The following FER1L6 variants were observed in gnomAD, a reference collection of about 807,000 sequenced individuals.
The protein encoded by FER1L6 is fer-1-like protein 6.
FER1L6 carries 177 observed loss-of-function variants against 219.2 expected under a neutral mutation model. The observed-to-expected ratio is 0.81, with a 90% CI of 0.71 to 0.91. The LOEUF is 0.91. Among genes scored for constraint, FER1L6 ranks in the 40% least tolerant of loss-of-function variants. FER1L6 has a pLI of 0.00. For missense variants in FER1L6, 2,153 were observed against 2,259.9 expected, an observed-to-expected ratio of 0.95 and a Z score of 0.96; for synonymous variants, 768 against 824.3, an observed-to-expected ratio of 0.93 and a Z score of 1.17.
intron 22 of FER1L6, among the ~76,000 whole-genome samples, chr8:124,052,254 T>C (rs1386753424): frequency 6.6e-6 from 1 of 152,146 alleles, no homozygotes; most frequent in Non-Finnish European, 1.5e-5. Flanking sequence ...GTTGGATTGA[T>C]ATGAAGGGAG....
chr8:124,089,529 C>T (rs1024024923), intron 33 of FER1L6, among the ~76,000 whole-genome samples: 1 of 152,082 alleles, frequency 6.6e-6, no homozygotes, highest in African/African-American at 2.4e-5. Context: ...CCTCTGTCTC[C>T]CTCCCCCAAA....
rs111370535 is a variant in FER1L6 at position 124,063,440 on chromosome 8, T to G, written c.3329-907T>G. 5.8e-3 allele frequency among the ~76,000 whole-genome samples: 877 copies of G among 152,352 alleles called. 17 individuals carry two copies. Among genetic ancestry groups the G allele is most frequent in the African/African-American group, 0.02 (831 of 41,574 alleles). ...AGTTTTAGCTTTCTCATTTAGATCTTTAATCATCTGCATTTATATATGATT... is the reference window on the plus strand; with the variant it reads ...AGTTTTAGCTTTCTCATTTAGATCTGTAATCATCTGCATTTATATATGATT... On this transcript the variant is annotated intron_variant, in intron 25 of 40. Coordinates refer to ENST00000522917, the MANE Select transcript of FER1L6 (RefSeq NM_001039112.2).
chr8:123,873,965 T>C (rs757228964), intron 1 of FER1L6, among the ~76,000 whole-genome samples: 14 of 152,218 alleles, frequency 9.2e-5, no homozygotes, highest in Non-Finnish European at 1.9e-4. Context: ...GCCACTCATA[T>C]TGTCACTTTC....
intron 39 of FER1L6, among the ~76,000 whole-genome samples, chr8:124,105,381 T>C (rs1822724539): frequency 6.6e-6 from 1 of 152,212 alleles, no homozygotes; most frequent in South Asian, 2.1e-4. Flanking sequence ...GTGAAAAGCT[T>C]GGACTTCATT....
chr8:124,060,204 C>G lies in FER1L6; in HGVS notation c.2899C>G (p.Leu967Val). 6.2e-7 allele frequency: 1 copy of G among 1,614,108 alleles called. No homozygotes were observed. The highest frequency in any genetic ancestry group is 1.1e-5 in the South Asian group (1 of 91,082). ...GGTTCCTCCTTCTGGGCTGCAAGGC[C>G]TCCCACCCGTTGAGCCACCAGACAT... is the stretch of plus-strand genomic sequence containing the variant. ...LQVPPSGLQGLPPVEPPDITQ... is the reference protein window; with the variant it reads ...LQVPPSGLQGVPPVEPPDITQ... Residue 967 changes from leucine (L) to valine (V), a missense_variant, in exon 23 of 41, where the codon CTC becomes GTC. Transcript: ENST00000522917.
intron 1 of FER1L6, among the ~76,000 whole-genome samples, chr8:123,902,363 T>C (rs1317305895): frequency 1.3e-5 from 2 of 152,232 alleles, no homozygotes; most frequent in Non-Finnish European, 2.9e-5. Context: ...GTTTCTTTGT[T>C]GACTTTTTGT....
chr8:124,098,005 T>C, intron 37 of FER1L6, 122 bp downstream of exon 37: 1 of 543,398 alleles, frequency 1.8e-6, no homozygotes, highest in Non-Finnish European at 3.3e-6. Context: ...GCCATCTTAC[T>C]TTTAAGGCCA....
At chr8:124,009,636 C>T (rs1275112427) in intron 13 of FER1L6, among the ~76,000 whole-genome samples, 2 of 151,664 alleles carry the variant, frequency 1.3e-5, no homozygotes, top group African/African-American at 4.8e-5. Flanking sequence ...TCTGAGGGTG[C>T]TGGAGCTGGA....
intron 1 of FER1L6, among the ~76,000 whole-genome samples, chr8:123,866,087 A>G (rs1257054889): frequency 1.3e-5 from 2 of 152,004 alleles, no homozygotes; most frequent in African/African-American, 2.4e-5. Context: ...TAATGCCGCA[A>G]TAAACATACG....
intron 1 of FER1L6, among the ~76,000 whole-genome samples, chr8:123,919,298 G>A (rs570121430): frequency 6.6e-6 from 1 of 152,222 alleles, no homozygotes; most frequent in Non-Finnish European, 1.5e-5. Flanking sequence ...CCTTAGGTTT[G>A]CTTATTTCCT....
chr8:124,101,911 C>T (rs567613401), intron 38 of FER1L6, among the ~76,000 whole-genome samples: 32 of 152,060 alleles, frequency 2.1e-4, no homozygotes, highest in African/African-American at 5.3e-4. Flanking sequence ...TGTATGTTAG[C>T]GACAACTGGA....
intron 1 of FER1L6, among the ~76,000 whole-genome samples, chr8:123,894,334 T>C (rs529361093): frequency 5.9e-5 from 9 of 152,306 alleles, no homozygotes; most frequent in African/African-American, 2.2e-4. Flanking sequence ...GTCAGGAAGA[T>C]GGATTTGTGA....
intron 1 of FER1L6, among the ~76,000 whole-genome samples, chr8:123,953,498 G>A (rs923215906): frequency 6.6e-6 from 1 of 152,166 alleles, no homozygotes; most frequent in Non-Finnish European, 1.5e-5. Flanking sequence ...CAGAAGGGCA[G>A]GGGTGCCTGT....
intron 5 of FER1L6, among the ~76,000 whole-genome samples, chr8:123,968,780 T>C (rs1169908361): frequency 1.3e-5 from 2 of 152,206 alleles, no homozygotes; most frequent in African/African-American, 2.4e-5. Context: ...TTATAATGTA[T>C]GATGACATTT....
At chr8:124,080,829 T>C (rs182326099) in intron 32 of FER1L6, among the ~76,000 whole-genome samples, 27 of 152,080 alleles carry the variant, frequency 1.8e-4, no homozygotes, top group Admixed American at 1.6e-3. Flanking sequence ...ACCTGCAGAG[T>C]ATCAATTACA....
intron 6 of FER1L6, among the ~76,000 whole-genome samples, chr8:123,973,086 T>G (rs1041501736): frequency 6.6e-6 from 1 of 152,052 alleles, no homozygotes; most frequent in Non-Finnish European, 1.5e-5. Flanking sequence ...CACTTTCAGT[T>G]TGGGGGGACT....
intron 1 of FER1L6, among the ~76,000 whole-genome samples, chr8:123,909,281 G>A (rs35444607): frequency 0.26 from 39,600 of 151,764 alleles, 5,438 homozygotes; most frequent in East Asian, 0.43. Context: ...GGGGGTTTGT[G>A]TGATAAGACA....
At chr8:123,900,249 T>C (rs989557715) in intron 1 of FER1L6, among the ~76,000 whole-genome samples, 1 of 152,008 alleles carries the variant, frequency 6.6e-6, no homozygotes, top group Non-Finnish European at 1.5e-5. Flanking sequence ...ATATATATAT[T>C]TGCAGCTATT....
chr8:123,951,972 T>G (rs1293820556), intron 1 of FER1L6, among the ~76,000 whole-genome samples: 1 of 152,210 alleles, frequency 6.6e-6, no homozygotes, highest in African/African-American at 2.4e-5. Flanking sequence ...GTGGAGAAGG[T>G]GATTCCAGAA....
Sources: gnomAD v4.1 joint callset for allele counts (sites outside exome capture counted in the v4.1 genomes callset) on GRCh38, gnomAD v4.1.1 for gene constraint, MANE v1.5 for transcripts, NCBI Gene and HGNC (gene_info 2026-07-23, HGNC 2026-07-21) for gene names.